Variants in GRIK3 observed in about 807,000 individuals in gnomAD.
The protein encoded by GRIK3 is glutamate receptor ionotropic, kainate 3.
A neutral mutation model predicts 102.5 loss-of-function variants in GRIK3; 29 were observed. That is an observed-to-expected ratio of 0.28 (90% CI 0.21 to 0.39). The LOEUF (loss-of-function observed/expected upper bound fraction) is 0.39. Ranked by LOEUF, GRIK3 falls within the 10% of genes least tolerant of loss-of-function variation. The pLI is 1.00. For synonymous variants in GRIK3, 511 were observed against 504.9 expected, an observed-to-expected ratio of 1.01 and a Z score of -0.16; for missense variants, 908 against 1,252.4, an observed-to-expected ratio of 0.73 and a Z score of 4.15.
At chr1:36,947,369 C>T (rs1641795482) in intron 1 of GRIK3, among the ~76,000 whole-genome samples, 1 of 152,168 alleles carries the variant, frequency 6.6e-6, no homozygotes, top group Non-Finnish European at 1.5e-5. Context: ...CCCCTCCACG[C>T]TGGTCTCAGC....
intron 3 of GRIK3, among the ~76,000 whole-genome samples, chr1:36,873,088 A>G (rs1640861146): frequency 6.6e-6 from 1 of 152,114 alleles, no homozygotes; most frequent in Non-Finnish European, 1.5e-5. Context: ...CCTCCAACTC[A>G]GTGGCCTCCT....
At chr1:36,993,127 G>T (rs1245916180) in intron 1 of GRIK3, among the ~76,000 whole-genome samples, 1 of 152,190 alleles carries the variant, frequency 6.6e-6, no homozygotes, top group African/African-American at 2.4e-5. Context: ...AGCCAGAGAG[G>T]TGACCATACA....
chr1:36,815,052 G>A (rs1239155131), intron 13 of GRIK3, among the ~76,000 whole-genome samples: 1 of 152,210 alleles, frequency 6.6e-6, no homozygotes, highest in Non-Finnish European at 1.5e-5. Context: ...GCTGCTACAT[G>A]CACATGTGAA....
intron 1 of GRIK3, among the ~76,000 whole-genome samples, chr1:37,006,230 G>A (rs116276036): frequency 7.9e-4 from 120 of 152,322 alleles, no homozygotes; most frequent in African/African-American, 2.8e-3. Context: ...AGACCTTGGA[G>A]GGCAGACTCC....
chr1:37,023,698 T>C (rs539632729), intron 1 of GRIK3, among the ~76,000 whole-genome samples: 8 of 152,194 alleles, frequency 5.3e-5, no homozygotes, highest in Non-Finnish European at 1.0e-4. Context: ...GCAGGAAGCA[T>C]GCGAGACATC....
chr1:36,918,402 T>C (rs1453246673), intron 1 of GRIK3, among the ~76,000 whole-genome samples: 1 of 152,236 alleles, frequency 6.6e-6, no homozygotes, highest in Non-Finnish European at 1.5e-5. Flanking sequence ...AGCAAGCCCA[T>C]AAACTGCCAC....
intron 1 of GRIK3, among the ~76,000 whole-genome samples, chr1:36,897,203 A>T (rs1156403414): frequency 6.6e-6 from 1 of 152,214 alleles, no homozygotes; most frequent in Non-Finnish European, 1.5e-5. Flanking sequence ...GGAAGAAGTA[A>T]AAGTGTCTGT....
intron 1 of GRIK3, among the ~76,000 whole-genome samples, chr1:36,952,215 C>CA (rs774928955): frequency 3.3e-5 from 5 of 152,222 alleles, no homozygotes; most frequent in Non-Finnish European, 5.9e-5. Flanking sequence ...AAACCCTACT[C>CA]AAAGAGCCCT....
intron 1 of GRIK3, 51 bp downstream of exon 1, chr1:37,033,943 T>C: frequency 9.3e-7 from 1 of 1,076,544 alleles, no homozygotes; most frequent in Admixed American, 2.1e-5. Context: ...GCCCCCTCAT[T>C]CCCGCCCCCT....
At chr1:36,990,707 T>C (rs1349111754) in intron 1 of GRIK3, among the ~76,000 whole-genome samples, 1 of 152,138 alleles carries the variant, frequency 6.6e-6, no homozygotes, top group Admixed American at 6.5e-5. Context: ...AGGGTGACTA[T>C]AGATGCAGTC....
intron 10 of GRIK3, among the ~76,000 whole-genome samples, chr1:36,829,623 A>C (rs1205368246): frequency 2.6e-5 from 4 of 152,066 alleles, no homozygotes; most frequent in African/African-American, 7.2e-5. Context: ...TGGTCTTCCC[A>C]GGACATTACT....
chr1:36,863,562 G>C (rs1414006806), intron 5 of GRIK3, among the ~76,000 whole-genome samples: 2 of 151,978 alleles, frequency 1.3e-5, no homozygotes, highest in South Asian at 4.2e-4. Context: ...CCTGCTTCTC[G>C]TCCCTCTGTT....
rs1015773648 is a variant in GRIK3, at chr1:36,801,748, C to A, written c.*103G>T. On this transcript the variant is annotated 3_prime_UTR_variant, in exon 16 of 16. Transcript: ENST00000373091. ...TCCTGGCCCAACAGGCAGGTGGCAG[C>A]TCTGGTCCCCAAGCCCAGTGCGGGG... 4.8e-5 allele frequency: 49 copies of A among 1,012,726 alleles called. No homozygotes were observed. The highest frequency in any genetic ancestry group is 4.3e-5 in the Non-Finnish European group (31 of 722,794). The allele number at this position is 1,012,726 out of a possible 1,614,324, so 62.7% of individuals were successfully genotyped here.
chr1:36,807,400 AC>A (rs1343098856), intron 13 of GRIK3, among the ~76,000 whole-genome samples: 5 of 152,138 alleles, frequency 3.3e-5, no homozygotes, highest in African/African-American at 1.2e-4. Flanking sequence ...TCTCAGGGGA[AC>A]AGGTGGTTCT....
chr1:36,825,588 A>C lies in GRIK3; in HGVS notation c.1754+15T>G. On this transcript the variant is annotated intron_variant, in intron 11 of 15. Coordinates refer to ENST00000373091, the MANE Select transcript of GRIK3 (RefSeq NM_000831.4). ...TCAACCTTGGGCCCGATGTCTGGCC[A>C]AGGAATTGCCTTACCTGGCGATGAC... 6.5e-7 allele frequency: 1 copy of C among 1,540,320 alleles called. No individual in the cohort carries two copies. Among genetic ancestry groups the C allele is most frequent in the Non-Finnish European group, 8.8e-7 (1 of 1,139,850 alleles).
At chr1:36,823,142 C>A (rs1214037640) in intron 11 of GRIK3, among the ~76,000 whole-genome samples, 1 of 152,124 alleles carries the variant, frequency 6.6e-6, no homozygotes, top group African/African-American at 2.4e-5. Context: ...GCCGCATTCA[C>A]CCTACAGATA....
At position 36,923,003 on chromosome 1, in the gene GRIK3, C is replaced by T. The variant is rs116065875; in HGVS notation, c.116-31907G>A. Reference sequence around the variant, plus strand: ...GGCCAGCGGCACCCCCAGTGCTCACCCTTGGTCTGCAAAGCCATTAAATAT... The same window carrying T: ...GGCCAGCGGCACCCCCAGTGCTCACTCTTGGTCTGCAAAGCCATTAAATAT... On this transcript the variant is annotated intron_variant, in intron 1 of 15. Coordinates refer to ENST00000373091, the MANE Select transcript of GRIK3 (RefSeq NM_000831.4). Among the ~76,000 whole-genome samples the T allele has an allele frequency of 6.3e-3, 958 of 152,250 alleles. 7 individuals carry two copies. Among genetic ancestry groups the T allele is most frequent in the African/African-American group, 0.021 (892 of 41,546 alleles).
intron 1 of GRIK3, among the ~76,000 whole-genome samples, chr1:36,907,257 G>T (rs1641293830): frequency 6.6e-6 from 1 of 152,120 alleles, no homozygotes; most frequent in African/African-American, 2.4e-5. Context: ...CAGGATGCTG[G>T]AGTTTTGAGT....
rs146404198 is a variant in GRIK3, at chr1:36,838,882, T to C, written c.1530+2854A>G. On this transcript the variant is annotated intron_variant, in intron 10 of 15. Coordinates refer to ENST00000373091, the MANE Select transcript of GRIK3 (RefSeq NM_000831.4). ...CTAGGATTAATAGGCTCATCAATTGTAGGGAATTGGGCTTAACAAGGTCCC... is the reference window on the plus strand; with the variant it reads ...CTAGGATTAATAGGCTCATCAATTGCAGGGAATTGGGCTTAACAAGGTCCC... Among the ~76,000 whole-genome samples, 237 of 152,290 alleles carry C rather than the reference T, an allele frequency of 1.6e-3. 1 individual carries two copies. Among genetic ancestry groups the C allele is most frequent in the African/African-American group, 4.9e-3 (202 of 41,564 alleles).
Sources: gnomAD v4.1 joint callset for allele counts (sites outside exome capture counted in the v4.1 genomes callset) on GRCh38, gnomAD v4.1.1 for gene constraint, MANE v1.5 for transcripts, NCBI Gene and HGNC (gene_info 2026-07-23, HGNC 2026-07-21) for gene names.